The following TOP1MT variants were observed in gnomAD, a reference collection of about 807,000 sequenced individuals.
The protein encoded by TOP1MT is DNA topoisomerase I mitochondrial.
Under a neutral mutation model 73.9 loss-of-function variants are expected in TOP1MT, and 80 were observed. The observed-to-expected ratio is 1.08, with a 90% CI of 0.90 to 1.30. The LOEUF (loss-of-function observed/expected upper bound fraction) is 1.30, where lower values mean the gene tolerates loss of function less well. TOP1MT is among the 50% of genes most tolerant of loss of function. The probability of loss-of-function intolerance (pLI) is 0.00; values close to 1 mark genes in which losing one functional copy is unlikely to be tolerated. For synonymous variants in TOP1MT, 338 were observed against 326.4 expected, an observed-to-expected ratio of 1.04 and a Z score of -0.38; for missense variants, 815 against 808.0, an observed-to-expected ratio of 1.01 and a Z score of -0.10.
intron 1 of TOP1MT, among the ~76,000 whole-genome samples, chr8:143,352,591 A>T (rs1358393527): frequency 6.6e-6 from 1 of 152,238 alleles, no homozygotes; most frequent in Non-Finnish European, 1.5e-5. Context: ...AAACATAGGT[A>T]TAAATCTTTA....
intron 2 of TOP1MT, among the ~76,000 whole-genome samples, chr8:143,342,488 GAC>G (rs1817124616): frequency 7.6e-6 from 1 of 132,406 alleles, no homozygotes. Flanking sequence ...TATTATTAGA[GAC>G]AGAGTCTCGC....
At chr8:143,353,963 C>CAAAA (rs1186472770) in intron 1 of TOP1MT, among the ~76,000 whole-genome samples, 773 of 47,614 alleles carry the variant, frequency 0.016, 216 homozygotes, top group African/African-American at 0.079. Flanking sequence ...GACTCCATCC[C>CAAAA]AAAAAAAAAA....
upstream of TOP1MT, among the ~76,000 whole-genome samples, chr8:143,357,921 C>CAAA: frequency 1.0e-5 from 1 of 98,526 alleles, no homozygotes; most frequent in East Asian, 2.9e-4. Flanking sequence ...AACTCCGTCT[C>CAAA]AAAAAAAAAA....
At chr8:143,324,223 A>C (rs1816641243) in intron 6 of TOP1MT, 81 bp from the exon 7 acceptor site, 1 of 1,565,816 alleles carries the variant, frequency 6.4e-7, no homozygotes, top group Non-Finnish European at 8.7e-7. Context: ...TCCCTCCCCC[A>C]AACCTCGTGC....
chr8:143,342,430 GTTATTA>G (rs1201045124), intron 2 of TOP1MT, among the ~76,000 whole-genome samples: 12 of 107,698 alleles, frequency 1.1e-4, no homozygotes, highest in South Asian at 2.6e-4. Context: ...GTCTCGCTCT[GTTATTA>G]TTATTATTAT....
chr8:143,353,703 C>A (rs905998660), intron 1 of TOP1MT, among the ~76,000 whole-genome samples: 20 of 151,938 alleles, frequency 1.3e-4, no homozygotes, highest in Admixed American at 8.5e-4. Context: ...TTTATTGGGG[C>A]CGGACATGGT....
At chr8:143,316,383 C>A (rs1482243744) in intron 10 of TOP1MT, among the ~76,000 whole-genome samples, 1 of 117,708 alleles carries the variant, frequency 8.5e-6, no homozygotes, top group Non-Finnish European at 1.9e-5. Flanking sequence ...CTTCCCAGGC[C>A]CCATGGCAAG....
At chr8:143,310,790 G>A (rs768266329) in intron 12 of TOP1MT, among the ~76,000 whole-genome samples, 2 of 152,328 alleles carry the variant, frequency 1.3e-5, no homozygotes, top group East Asian at 1.9e-4. Flanking sequence ...GCAGCCCGCC[G>A]GGCCAGAAGC....
upstream of TOP1MT, among the ~76,000 whole-genome samples, chr8:143,338,881 C>G (rs576294068): frequency 5.3e-5 from 8 of 152,338 alleles, no homozygotes; most frequent in East Asian, 1.5e-3. Context: ...GCCTCCTCCC[C>G]TTGTGCCCTC....
intron 3 of TOP1MT, chr8:143,328,452 C>T: frequency 2.7e-6 from 1 of 369,272 alleles, no homozygotes; most frequent in Non-Finnish European, 5.3e-6. Flanking sequence ...TGCTTAATAT[C>T]ACTTGTCATT....
Position 143,318,071 on chromosome 8 carries a change from G to A in TOP1MT, c.1162C>T (p.Gln388Ter). ...GGGTCCTTGTTCTCCATAAAGAGCT[G>A]TAAGTTCTTGTACACCTGAAGGAGA... The part of the protein sequence containing the change: ...PVEKPVYKNL[Q>*]LFMENKDPRD... Residue 388 changes from glutamine (Q) to a stop codon, truncating the protein, a stop_gained, in exon 9 of 14, where the codon CAG becomes TAG. Coordinates refer to ENST00000329245, the MANE Select transcript of TOP1MT (RefSeq NM_052963.3). LOFTEE classifies it high-confidence loss of function. 2 of 1,614,028 alleles carry A rather than the reference G, an allele frequency of 1.2e-6. No individual in the cohort carries two copies. The highest frequency in any genetic ancestry group is 1.7e-6 in the Non-Finnish European group (2 of 1,179,906).
intron 3 of TOP1MT, 24 bp downstream of exon 3, chr8:143,329,326 G>A (rs755649159): frequency 2.5e-6 from 4 of 1,584,446 alleles, no homozygotes; most frequent in East Asian, 4.7e-5. Context: ...CAGGACAGCT[G>A]TGGCGGCCGC....
intron 6 of TOP1MT, 42 bp from the exon 7 acceptor site, chr8:143,324,184 T>C: frequency 6.2e-7 from 1 of 1,607,048 alleles, no homozygotes; most frequent in Admixed American, 1.7e-5. Flanking sequence ...TTCACATTCC[T>C]GTTAAATAAC....
chr8:143,355,438 C>T (rs1026546448), intron 1 of TOP1MT: 2 of 152,034 alleles, frequency 1.3e-5, no homozygotes, highest in Admixed American at 6.6e-5. Context: ...CTTTGTTCTG[C>T]GGGACACAGA....
At chr8:143,334,695 C>G (rs1359921694) in intron 1 of TOP1MT, 45 bp downstream of exon 1, 7 of 1,595,762 alleles carry the variant, frequency 4.4e-6, no homozygotes, top group Non-Finnish European at 6.0e-6. Flanking sequence ...CCTACCCAAG[C>G]CCGGTGCTCA....
intron 1 of TOP1MT, chr8:143,331,954 G>T (rs1231103932): frequency 2.5e-5 from 4 of 161,666 alleles, no homozygotes; most frequent in Non-Finnish European, 4.1e-5. Context: ...TTTCAGGGAA[G>T]GGCTCCTTTT....
chr8:143,346,202 G>C (rs559351569), upstream of TOP1MT, among the ~76,000 whole-genome samples: 2 of 152,184 alleles, frequency 1.3e-5, no homozygotes, highest in Admixed American at 6.5e-5. Context: ...GAACAGCTCC[G>C]AAGGCAATGC....
chr8:143,310,280 C>T (rs1815976042), intron 12 of TOP1MT, 63 bp from the exon 13 acceptor site: 11 of 1,317,886 alleles, frequency 8.3e-6, no homozygotes, highest in African/African-American at 1.5e-5. Context: ...AGGAGACCTG[C>T]ACTTCTCTGG....
At chr8:143,352,372 G>A (rs1185831624) in intron 1 of TOP1MT, among the ~76,000 whole-genome samples, 2 of 152,192 alleles carry the variant, frequency 1.3e-5, no homozygotes, top group African/African-American at 2.4e-5. Flanking sequence ...TCAGAGTCCG[G>A]AAATAAACCC....
Sources: gnomAD v4.1 joint callset for allele counts (sites outside exome capture counted in the v4.1 genomes callset) on GRCh38, gnomAD v4.1.1 for gene constraint, MANE v1.5 for transcripts, NCBI Gene and HGNC (gene_info 2026-07-23, HGNC 2026-07-21) for gene names.